Variants in ZC3H8 observed in about 807,000 individuals in gnomAD.
ZC3H8 encodes zinc finger CCCH-type containing 8, also known as zinc finger CCCH domain-containing protein 8.
ZC3H8 carries 27 observed loss-of-function variants against 42.5 expected under a neutral mutation model. The ratio of observed to expected loss-of-function variants is 0.64; its 90% CI spans 0.47 to 0.88. ZC3H8 has a LOEUF of 0.88. Among genes scored for constraint, ZC3H8 ranks in the 40% least tolerant of loss-of-function variants. The probability of loss-of-function intolerance (pLI) is 0.00; values close to 1 mark genes in which losing one functional copy is unlikely to be tolerated. For missense variants in ZC3H8, 277 were observed against 336.1 expected (o/e 0.82, Z 1.37); for synonymous variants, 101 against 110.1 (o/e 0.92, Z 0.52).
At chr2:112,221,652 C>A (rs1399472642) in intron 8 of ZC3H8, among the ~76,000 whole-genome samples, 1 of 152,026 alleles carries the variant, frequency 6.6e-6, no homozygotes, top group South Asian at 2.1e-4. Context: ...TTGGTTGATT[C>A]TGCTGATAAG....
In ZC3H8 at chr2:112,211,694, G is replaced by A. The variant is rs964031751; in HGVS notation, c.*4790C>T. ...TCTATCAATTGTAAAATATATTCCAGTTTCAGAGATGTTAAATAATGTGTA... is the reference window on the plus strand; with the variant it reads ...TCTATCAATTGTAAAATATATTCCAATTTCAGAGATGTTAAATAATGTGTA... On this transcript the variant is annotated 3_prime_UTR_variant, in exon 9 of 9. Coordinates refer to ENST00000409573, the MANE Select transcript of ZC3H8 (RefSeq NM_032494.3). The A allele has an allele frequency of 6.6e-6, 1 of 152,072 alleles. No homozygotes were observed. Among genetic ancestry groups the A allele is most frequent in the African/African-American group, 2.4e-5 (1 of 41,394 alleles). The allele number at this position is 152,072 out of a possible 1,614,324, so 9.4% of individuals were successfully genotyped here. A position where few individuals can be genotyped will look rare whatever the true frequency, so the allele number is the denominator to read the frequency against.
chr2:112,218,789 T>C (rs1373851226), intron 8 of ZC3H8, among the ~76,000 whole-genome samples: 1 of 152,178 alleles, frequency 6.6e-6, no homozygotes, highest in Non-Finnish European at 1.5e-5. Context: ...TGAAAAGTTA[T>C]ATGCAGATTT....
In ZC3H8 at chr2:112,215,625, T is replaced by C. The variant is rs886963224; in HGVS notation, c.*859A>G. ...AAAACAATATAATGACGAGTTTCCA[T>C]TTCATGGTATTTGTCTAATAATAAC... On this transcript the variant is annotated 3_prime_UTR_variant, in exon 9 of 9. Coordinates refer to ENST00000409573, the MANE Select transcript of ZC3H8 (RefSeq NM_032494.3). The C allele has an allele frequency of 3.9e-5, 6 of 152,350 alleles. No homozygotes were observed. In the South Asian group the frequency reaches 1.0e-3, roughly 26 times the overall value. The allele number at this position is 152,350 out of a possible 1,614,324, so 9.4% of individuals were successfully genotyped here. A position where few individuals can be genotyped will look rare whatever the true frequency, so the allele number is the denominator to read the frequency against.
At chr2:112,217,664 G>A (rs913713963) in intron 8 of ZC3H8, among the ~76,000 whole-genome samples, 2 of 152,148 alleles carry the variant, frequency 1.3e-5, no homozygotes, top group Non-Finnish European at 2.9e-5. Flanking sequence ...AATGAATCTT[G>A]CCAAAACAGT....
chr2:112,248,804 A>G (rs1685846714), intron 2 of ZC3H8, among the ~76,000 whole-genome samples: 1 of 152,176 alleles, frequency 6.6e-6, no homozygotes, highest in Non-Finnish European at 1.5e-5. Flanking sequence ...ATACCTCAGA[A>G]TGTGACCTTT....
Position 112,250,224 on chromosome 2 carries a change from TTTCTC to T in ZC3H8, c.118_122del (p.Glu40AsnfsTer2). ...GAATTTGCTCGCACTCCAGTTTAATTTTCTCTTCTTGTGTTTCTTCAACTTCTGTA... is the reference window on the plus strand; with the variant it reads ...GAATTTGCTCGCACTCCAGTTTAATTTTCTTGTGTTTCTTCAACTTCTGTA... On this transcript the variant is annotated frameshift_variant, in exon 2 of 9. Coordinates refer to ENST00000409573, the MANE Select transcript of ZC3H8 (RefSeq NM_032494.3). LOFTEE classifies it high-confidence loss of function. 3 of 1,569,402 alleles carry T rather than the reference TTTCTC, an allele frequency of 1.9e-6. No individual in the cohort carries two copies. The highest frequency in any genetic ancestry group is 2.6e-6 in the Non-Finnish European group (3 of 1,155,724).
chr2:112,229,273 G>A (rs755458410), intron 8 of ZC3H8, among the ~76,000 whole-genome samples: 1 of 152,140 alleles, frequency 6.6e-6, no homozygotes. Context: ...ACAAAAATAA[G>A]AATGATATGA....
chr2:112,254,766 C>G, intron 1 of ZC3H8, 142 bp downstream of exon 1: 1 of 957,320 alleles, frequency 1.0e-6, no homozygotes, highest in South Asian at 1.6e-5. Context: ...CAGACGGTGG[C>G]GCCCGGCCGG....
At chr2:112,231,701 CTTAAG>C (rs1381660725) in intron 7 of ZC3H8, 132 bp downstream of exon 7, 14 of 420,276 alleles carry the variant, frequency 3.3e-5, no homozygotes, top group East Asian at 2.5e-4. Context: ...AAACTGAATT[CTTAAG>C]TTATTAGTCC....
At chr2:112,235,207 G>A (rs1222297312) in intron 4 of ZC3H8, among the ~76,000 whole-genome samples, 1 of 152,192 alleles carries the variant, frequency 6.6e-6, no homozygotes, top group Admixed American at 6.5e-5. Context: ...GGAGCTGACT[G>A]TACAGTCATT....
rs1267695618 is a variant in ZC3H8 at position 112,212,963 on chromosome 2, T to A, written c.*3521A>T. 4 of 129,988 alleles carry A rather than the reference T, an allele frequency of 3.1e-5. No homozygotes were observed. The highest frequency in any genetic ancestry group is 9.2e-5 in the African/African-American group (3 of 32,762). The allele number at this position is 129,988 out of a possible 1,614,324, so 8.1% of individuals were successfully genotyped here. ...TTCAGCAAGCACAACTCAGAAGAAA[T>A]GCTTTTTTTTTTTTTTTTTTTTTTT... On this transcript the variant is annotated 3_prime_UTR_variant, in exon 9 of 9. Transcript: ENST00000409573.
intron 8 of ZC3H8, among the ~76,000 whole-genome samples, chr2:112,219,918 T>C (rs779099662): frequency 6.6e-6 from 1 of 152,234 alleles, no homozygotes; most frequent in Non-Finnish European, 1.5e-5. Context: ...CATAGGTCTT[T>C]AAAAATCTTT....
At chr2:112,253,819 G>A (rs1471142254) in intron 1 of ZC3H8, among the ~76,000 whole-genome samples, 1 of 152,158 alleles carries the variant, frequency 6.6e-6, no homozygotes, top group Non-Finnish European at 1.5e-5. Context: ...ATTAGTACCA[G>A]TTATTTTTCT....
intron 8 of ZC3H8, among the ~76,000 whole-genome samples, chr2:112,220,677 C>T (rs1684544060): frequency 6.6e-6 from 1 of 152,098 alleles, no homozygotes; most frequent in Non-Finnish European, 1.5e-5. Flanking sequence ...CAAAATTAGC[C>T]AGGCATGGTG....
rs369386578 is a variant in ZC3H8, at chr2:112,232,173, A to G, written c.734-226T>C. On this transcript the variant is annotated intron_variant, in intron 6 of 8. Transcript: ENST00000409573. ...AAAAATCCAAAAAAATTAGCTGGGCATGGTGGCGCAGGCATGCCTGTAATC... is the reference window on the plus strand; with the variant it reads ...AAAAATCCAAAAAAATTAGCTGGGCGTGGTGGCGCAGGCATGCCTGTAATC... Among the ~76,000 whole-genome samples, 7 of 152,098 alleles carry G rather than the reference A, an allele frequency of 4.6e-5. No homozygotes were observed. In the East Asian group the frequency reaches 1.4e-3, roughly 29 times the overall value.
At chr2:112,238,679 T>C (rs1685453281) in intron 2 of ZC3H8, 151 bp from the exon 3 acceptor site, 1 of 498,432 alleles carries the variant, frequency 2.0e-6, no homozygotes, top group Non-Finnish European at 3.3e-6. Context: ...TCCACTCATA[T>C]ATTTGAAAAT....
intron 2 of ZC3H8, among the ~76,000 whole-genome samples, chr2:112,240,952 AGTGT>A (rs67273091): frequency 0.021 from 3,042 of 142,550 alleles, 32 homozygotes; most frequent in Non-Finnish European, 0.023. Context: ...TACAGGTAAC[AGTGT>A]GTGTGTGTGT....
chr2:112,239,450 A>G (rs1685487497), intron 2 of ZC3H8, among the ~76,000 whole-genome samples: 1 of 152,230 alleles, frequency 6.6e-6, no homozygotes, highest in South Asian at 2.1e-4. Flanking sequence ...TTCAAAGCAT[A>G]CTTTGGGGCC....
chr2:112,224,027 T>C (rs1684706598), intron 8 of ZC3H8, among the ~76,000 whole-genome samples: 1 of 151,984 alleles, frequency 6.6e-6, no homozygotes, highest in South Asian at 2.1e-4. Context: ...TAATCCCAGC[T>C]ACCCAGGAGG....
Sources: allele counts gnomAD v4.1 joint callset (sites outside exome capture counted in the v4.1 genomes callset), GRCh38; gene constraint gnomAD v4.1.1; transcripts MANE v1.5; gene names NCBI Gene and HGNC (gene_info 2026-07-23, HGNC 2026-07-21).